The following NBAS variants were observed in gnomAD, a reference collection of about 807,000 sequenced individuals.
The protein encoded by NBAS is NAG/BC035112 fusion.
NBAS carries 219 observed loss-of-function variants against 302.5 expected under a neutral mutation model. That is an observed-to-expected ratio of 0.72 (90% CI 0.65 to 0.81). NBAS has a LOEUF of 0.81. Ranked by LOEUF, NBAS falls within the 30% of genes least tolerant of loss-of-function variation. The pLI is 0.00. For missense variants in NBAS, 2,932 were observed against 2,841.6 expected (o/e 1.03, Z -0.72); for synonymous variants, 1,118 against 1,021.6 (o/e 1.09, Z -1.80).
At chr2:14,873,431 G>A in the NBAS span, among the ~76,000 whole-genome samples, 1 of 151,972 alleles carries the variant, frequency 6.6e-6, no homozygotes, top group Non-Finnish European at 1.5e-5. Flanking sequence ...TGGCCAGGCT[G>A]GTCTCAAACT....
chr2:14,928,058 GT>G, the NBAS span, among the ~76,000 whole-genome samples: 3 of 152,094 alleles, frequency 2.0e-5, no homozygotes, highest in African/African-American at 7.2e-5. Context: ...TGTCTTGTTA[GT>G]TTTTCAAGAT....
the NBAS span, among the ~76,000 whole-genome samples, chr2:14,871,328 A>G: frequency 1.3e-5 from 2 of 152,150 alleles, no homozygotes; most frequent in Non-Finnish European, 2.9e-5. Context: ...CAAGTCTCAC[A>G]TAAAGACACA....
At chr2:15,210,357 G>C (rs1344530479) in intron 48 of NBAS, among the ~76,000 whole-genome samples, 1 of 151,996 alleles carries the variant, frequency 6.6e-6, no homozygotes, top group African/African-American at 2.4e-5. Flanking sequence ...ATGGCAAATG[G>C]GTACATGAAA....
chr2:14,823,861 C>T, the NBAS span, among the ~76,000 whole-genome samples: 49 of 152,098 alleles, frequency 3.2e-4, no homozygotes, highest in Admixed American at 5.9e-4. Flanking sequence ...AAAATGTAAA[C>T]ATTTTCCAGC....
chr2:15,264,344 G>C (rs1240047426), intron 44 of NBAS, among the ~76,000 whole-genome samples: 22 of 152,210 alleles, frequency 1.4e-4, no homozygotes, highest in Admixed American at 1.2e-3. Context: ...GCAGGAAGGA[G>C]AGTGTATTCC....
At chr2:14,918,513 A>G in the NBAS span, among the ~76,000 whole-genome samples, 1 of 152,218 alleles carries the variant, frequency 6.6e-6, no homozygotes, top group Admixed American at 6.5e-5. Flanking sequence ...CAGAGAAGGG[A>G]TTGTACAGAG....
the NBAS span, among the ~76,000 whole-genome samples, chr2:15,144,052 T>TATATATATATATTATC: frequency 7.2e-6 from 1 of 138,036 alleles, no homozygotes; most frequent in African/African-American, 2.9e-5. Context: ...TATAAAAATA[T>TATATATATATATTATC]ATATATATAT....
At chr2:15,318,864 T>C (rs1671647783) in intron 38 of NBAS, among the ~76,000 whole-genome samples, 1 of 152,120 alleles carries the variant, frequency 6.6e-6, no homozygotes, top group Non-Finnish European at 1.5e-5. Context: ...AACAAGGATA[T>C]CCAGGACTTG....
intron 16 of NBAS, among the ~76,000 whole-genome samples, chr2:15,471,502 A>C (rs1277296099): frequency 1.3e-5 from 2 of 152,198 alleles, no homozygotes; most frequent in South Asian, 4.1e-4. Context: ...CACAATGCAA[A>C]GGTATTTTCC....
chr2:15,073,608 C>T, the NBAS span, among the ~76,000 whole-genome samples: 1 of 152,038 alleles, frequency 6.6e-6, no homozygotes, highest in Non-Finnish European at 1.5e-5. Context: ...CACTTCCATG[C>T]ATTTTTTTTC....
intron 7 of NBAS, chr2:15,538,307 C>T (rs896707576): frequency 2.2e-6 from 1 of 463,756 alleles, no homozygotes; most frequent in African/African-American, 2.0e-5. Context: ...AATCCAGACT[C>T]CTTATTTTGG....
At chr2:15,556,505 T>C (rs1283469041) in intron 3 of NBAS, among the ~76,000 whole-genome samples, 1 of 152,184 alleles carries the variant, frequency 6.6e-6, no homozygotes, top group Non-Finnish European at 1.5e-5. Context: ...AGATGCTTCA[T>C]ATGGACATTC....
At chr2:15,288,151 A>G (rs1670141967) in intron 41 of NBAS, among the ~76,000 whole-genome samples, 1 of 152,246 alleles carries the variant, frequency 6.6e-6, no homozygotes, top group Non-Finnish European at 1.5e-5. Context: ...CTAGGGGTAG[A>G]GATTTGAGAA....
rs115621278 is a variant in NBAS at position 15,275,295 on chromosome 2, C to T, written c.5724+189G>A. ...TCATCTCTATTTTAGCATATTTGTA[C>T]ATCTACAATAGAGAAAAAAAATTTC... On this transcript the variant is annotated intron_variant, in intron 44 of 51. Coordinates refer to ENST00000281513, the MANE Select transcript of NBAS (RefSeq NM_015909.4). Among the ~76,000 whole-genome samples the T allele has an allele frequency of 3.3e-3, 497 of 152,220 alleles. 1 individual carries two copies. Among genetic ancestry groups the T allele is most frequent in the Non-Finnish European group, 5.7e-3 (387 of 68,018 alleles).
chr2:15,484,712 A>G (rs1012522654), intron 12 of NBAS, among the ~76,000 whole-genome samples: 2 of 152,148 alleles, frequency 1.3e-5, no homozygotes, highest in Non-Finnish European at 2.9e-5. Context: ...AAATATTAAC[A>G]TGTCATTTTA....
intron 40 of NBAS, among the ~76,000 whole-genome samples, chr2:15,296,525 C>CA (rs1480017216): frequency 6.5e-5 from 8 of 123,260 alleles, no homozygotes; most frequent in South Asian, 2.7e-4. Context: ...GACTCTGTCT[C>CA]AAAAAAAACA....
the NBAS span, among the ~76,000 whole-genome samples, chr2:14,779,627 C>A: frequency 1.3e-5 from 2 of 152,158 alleles, no homozygotes; most frequent in African/African-American, 4.8e-5. Context: ...TAGTTCTCAC[C>A]TTATCAGCGC....
At chr2:14,899,165 C>A in the NBAS span, among the ~76,000 whole-genome samples, 1 of 152,136 alleles carries the variant, frequency 6.6e-6, no homozygotes, top group Non-Finnish European at 1.5e-5. Context: ...TTTCTTAATG[C>A]CTGGACTCAA....
the NBAS span, among the ~76,000 whole-genome samples, chr2:15,131,142 T>C: frequency 4.9e-3 from 740 of 152,354 alleles, 3 homozygotes; most frequent in Middle Eastern, 0.024. Context: ...TTCACAACTC[T>C]GTGTCAGTGC....
Sources: allele counts gnomAD v4.1 joint callset (sites outside exome capture counted in the v4.1 genomes callset), GRCh38; gene constraint gnomAD v4.1.1; transcripts MANE v1.5; gene names NCBI Gene and HGNC (gene_info 2026-07-23, HGNC 2026-07-21).